STXBP3: variants seen among roughly 807,000 people sequenced by gnomAD.
STXBP3 encodes the protein syntaxin-binding protein 3.
A neutral mutation model predicts 85.7 loss-of-function variants in STXBP3; 41 were observed. The observed-to-expected ratio is 0.48, with a 90% CI of 0.37 to 0.62. STXBP3 has a LOEUF of 0.62. Among genes scored for constraint, STXBP3 ranks in the 20% least tolerant of loss-of-function variants. The pLI is 0.00. For missense variants in STXBP3, 563 were observed against 703.1 expected, an observed-to-expected ratio of 0.80 and a Z score of 2.25; for synonymous variants, 229 against 231.7, an observed-to-expected ratio of 0.99 and a Z score of 0.10.
At chr1:108,791,594 C>T (rs1047522345) in intron 11 of STXBP3, among the ~76,000 whole-genome samples, 1 of 151,932 alleles carries the variant, frequency 6.6e-6, no homozygotes, top group African/African-American at 2.4e-5. Flanking sequence ...ACTTTGAGTC[C>T]CCTACTTCTG....
chr1:108,761,960 G>A (rs1425229449), intron 6 of STXBP3, among the ~76,000 whole-genome samples: 2 of 151,874 alleles, frequency 1.3e-5, no homozygotes, highest in African/African-American at 2.4e-5. Context: ...GCAACAGAGC[G>A]AGACTCCATC....
At chr1:108,778,076 C>T (rs1662626207) in intron 8 of STXBP3, among the ~76,000 whole-genome samples, 1 of 152,078 alleles carries the variant, frequency 6.6e-6, no homozygotes, top group Non-Finnish European at 1.5e-5. Context: ...AGGCTGGACT[C>T]AGATTCAGAC....
intron 8 of STXBP3, among the ~76,000 whole-genome samples, chr1:108,777,408 A>G (rs903498051): frequency 3.3e-5 from 5 of 152,120 alleles, no homozygotes; most frequent in African/African-American, 1.2e-4. Flanking sequence ...GAAAAAGGCA[A>G]AATCCACAAT....
chr1:108,794,707 A>C, intron 12 of STXBP3, 120 bp from the exon 13 acceptor site: 1 of 760,252 alleles, frequency 1.3e-6, no homozygotes, highest in Non-Finnish European at 2.2e-6. Flanking sequence ...CCTTGCTTAC[A>C]TGTTACCTTC....
Position 108,807,257 on chromosome 1 carries a change from CAAAAAAAAAAAAAA to C in STXBP3, c.1536-133_1536-120del, listed in dbSNP as rs201346701. ...TGGGCTACAAAGTGAGACTCCACCT[CAAAAAAAAAAAAAA>C]AAAAAAAAAATCAATGTAATTGGTA... is the stretch of plus-strand genomic sequence containing the variant. On this transcript the variant is annotated intron_variant, in intron 17 of 18. Transcript: ENST00000370008. The C allele has an allele frequency of 6.6e-3, 4,528 of 688,252 alleles. 4 individuals are homozygous for C. Among genetic ancestry groups the C allele is most frequent in the Middle Eastern group, 7.9e-3 (16 of 2,020 alleles). 42.6% of individuals were successfully genotyped at this position (688,252 alleles called of 1,614,324 possible).
At chr1:108,748,906 G>T (rs1661849746) in intron 1 of STXBP3, among the ~76,000 whole-genome samples, 1 of 152,198 alleles carries the variant, frequency 6.6e-6, no homozygotes, top group South Asian at 2.1e-4. Context: ...GTAGAAGCCA[G>T]TCAGTGGAGG....
rs78223913 is a variant in STXBP3 at position 108,799,370 on chromosome 1, A to G, written c.1450-850A>G. Among the ~76,000 whole-genome samples the G allele has an allele frequency of 5.0e-3, 759 of 152,230 alleles. 12 individuals are homozygous for G. The highest frequency in any genetic ancestry group is 0.017 in the African/African-American group (726 of 41,536). Reference sequence around the variant, plus strand: ...TTTTTTGTTTTTAAACATATTCCTAATCAGTTTACCATGGCTAGTATTTGT... The same window carrying G: ...TTTTTTGTTTTTAAACATATTCCTAGTCAGTTTACCATGGCTAGTATTTGT... On this transcript the variant is annotated intron_variant, in intron 16 of 18. Coordinates refer to ENST00000370008, the MANE Select transcript of STXBP3 (RefSeq NM_007269.4).
Position 108,758,578 on chromosome 1 carries a change from C to T in STXBP3, c.327C>T (p.Tyr109=), listed in dbSNP as rs774134741. ...SENKYKAAYI[Y]FTDFCPDNLF... is the part of the protein sequence containing the mutation. The stretch of plus-strand genomic sequence containing the variant: ...ACAAGTATAAAGCAGCATATATTTA[C>T]TTCACTGACTGTAAGTCTTTTAAAA... The change falls in exon 5 of 19, where the codon TAC becomes TAT. Residue 109 remains tyrosine, a synonymous_variant. Coordinates refer to ENST00000370008, the MANE Select transcript of STXBP3 (RefSeq NM_007269.4). 1 of 1,509,752 alleles carries T rather than the reference C, an allele frequency of 6.6e-7. No individual in the cohort carries two copies. The highest frequency in any genetic ancestry group is 1.9e-5 in the Admixed American group (1 of 51,366). 93.5% of individuals were successfully genotyped at this position (1,509,752 alleles called of 1,614,324 possible). A position where few individuals can be genotyped will look rare whatever the true frequency, so the allele number is the denominator to read the frequency against.
chr1:108,759,819 A>C (rs1193985261), intron 5 of STXBP3, among the ~76,000 whole-genome samples, 166 bp from the exon 6 acceptor site: 2 of 152,150 alleles, frequency 1.3e-5, no homozygotes, highest in Non-Finnish European at 2.9e-5. Flanking sequence ...TTTCAGTAGA[A>C]TATATCTTTT....
At chr1:108,759,729 C>G (rs1482078602) in intron 5 of STXBP3, among the ~76,000 whole-genome samples, 2 of 152,104 alleles carry the variant, frequency 1.3e-5, no homozygotes, top group Non-Finnish European at 1.5e-5. Flanking sequence ...TCAGTTTGCT[C>G]TGTTAGCAGA....
At chr1:108,747,988 T>G (rs1389533947) in intron 1 of STXBP3, among the ~76,000 whole-genome samples, 1 of 152,214 alleles carries the variant, frequency 6.6e-6, no homozygotes, top group Non-Finnish European at 1.5e-5. Flanking sequence ...GTGATTAACA[T>G]CCGCATGTAT....
intron 17 of STXBP3, among the ~76,000 whole-genome samples, chr1:108,805,260 G>A (rs1255802432): frequency 2.0e-5 from 3 of 151,962 alleles, no homozygotes; most frequent in South Asian, 2.1e-4. Flanking sequence ...TTATTAATAC[G>A]TCCTTGACTT....
intron 1 of STXBP3, among the ~76,000 whole-genome samples, chr1:108,747,125 C>CTTCTCCGCTCCCGTCCGCGCTCCCCACTA (rs1661805971): frequency 1.1e-5 from 1 of 93,680 alleles, no homozygotes; most frequent in Non-Finnish European, 2.6e-5. Flanking sequence ...GCTCCCCACT[C>CTTCTCCGCTCCCGTCCGCGCTCCCCACTA]TTCTCCGCTC....
chr1:108,789,628 A>C (rs1662934208), intron 11 of STXBP3, among the ~76,000 whole-genome samples: 2 of 152,114 alleles, frequency 1.3e-5, no homozygotes, highest in African/African-American at 4.8e-5. Context: ...TCTTTGACCC[A>C]TGTGTTATAT....
chr1:108,753,056 T>A lies in STXBP3; in HGVS notation c.100-7T>A. On this transcript the variant is annotated splice_polypyrimidine_tract_variant and splice_region_variant and intron_variant, in intron 2 of 18. Coordinates refer to ENST00000370008, the MANE Select transcript of STXBP3 (RefSeq NM_007269.4). The stretch of plus-strand genomic sequence containing the variant: ...TACAGTATTTTTAAATTTGTGTTTG[T>A]TTTAAGATAATGCTTTTAGATGAAT... 1 of 1,557,102 alleles carries A rather than the reference T, an allele frequency of 6.4e-7. No individual in the cohort carries two copies.
intron 17 of STXBP3, among the ~76,000 whole-genome samples, chr1:108,805,944 A>G (rs1259480598): frequency 6.6e-6 from 1 of 152,244 alleles, no homozygotes; most frequent in Non-Finnish European, 1.5e-5. Flanking sequence ...CTATACTGCA[A>G]GGCATTCTAG....
chr1:108,803,912 G>A (rs1663278938), intron 17 of STXBP3, among the ~76,000 whole-genome samples: 1 of 152,154 alleles, frequency 6.6e-6, no homozygotes, highest in South Asian at 2.1e-4. Flanking sequence ...TGTTTCCAGG[G>A]TTCTACTTTA....
chr1:108,755,186 C>T (rs1661991870), intron 3 of STXBP3, among the ~76,000 whole-genome samples: 1 of 152,130 alleles, frequency 6.6e-6, no homozygotes, highest in South Asian at 2.1e-4. Context: ...TGACTCATGC[C>T]TGTAATCCCA....
chr1:108,762,468 A>T (rs1010418660), intron 6 of STXBP3, among the ~76,000 whole-genome samples: 7 of 147,004 alleles, frequency 4.8e-5, no homozygotes, highest in South Asian at 4.3e-4. Context: ...ATGATTGTAA[A>T]TTTTTTTTTT....
Sources: gnomAD v4.1 joint callset for allele counts (sites outside exome capture counted in the v4.1 genomes callset) on GRCh38, gnomAD v4.1.1 for gene constraint, MANE v1.5 for transcripts, NCBI Gene and HGNC (gene_info 2026-07-23, HGNC 2026-07-21) for gene names.